Variants in ATP13A3 observed in about 807,000 individuals in gnomAD.
ATP13A3 encodes ATPase 13A3.
A neutral mutation model predicts 158.1 loss-of-function variants in ATP13A3; 59 were observed. The observed-to-expected ratio is 0.37, with a 90% confidence interval of 0.30 to 0.46. The LOEUF is 0.46. Ranked by LOEUF, ATP13A3 falls within the 20% of genes least tolerant of loss-of-function variation. ATP13A3 has a pLI of 1.00. For missense variants in ATP13A3, 1,166 were observed against 1,525.2 expected (o/e 0.76, Z 3.92); for synonymous variants, 491 against 504.3 (o/e 0.97, Z 0.35).
At chr3:194,481,559 T>A (rs1481887855) in intron 2 of ATP13A3, among the ~76,000 whole-genome samples, 1 of 152,142 alleles carries the variant, frequency 6.6e-6, no homozygotes, top group African/African-American at 2.4e-5. Context: ...ATCTAAATAA[T>A]CCATGATCTC....
At position 194,404,847 on chromosome 3, in the gene ATP13A3, A is replaced by G. The variant is rs1300487409; in HGVS notation, c.*1072T>C. The G allele has an allele frequency of 1.3e-5, 2 of 152,182 alleles. No homozygotes were observed. 9.4% of individuals were successfully genotyped at this position (152,182 alleles called of 1,614,324 possible). A position where few individuals can be genotyped will look rare whatever the true frequency, so the allele number is the denominator to read the frequency against. On this transcript the variant is annotated 3_prime_UTR_variant, in exon 34 of 34. Coordinates refer to ENST00000645319, the MANE Select transcript of ATP13A3 (RefSeq NM_001367549.1). The stretch of plus-strand genomic sequence containing the variant: ...GACCTCTGGCGCCACCTAATGGCAT[A>G]AAACAAACTCATCAAATTCATATTG...
At chr3:194,411,071 A>AG in intron 33 of ATP13A3, among the ~76,000 whole-genome samples, 1 of 151,522 alleles carries the variant, frequency 6.6e-6, no homozygotes, top group African/African-American at 2.4e-5. Flanking sequence ...TTCAGGAAAA[A>AG]AAAAAACTGA....
chr3:194,446,971 T>C lies in ATP13A3; in HGVS notation c.1453A>G (p.Arg485Gly). Residue 485 changes from arginine (R) to glycine (G), a missense_variant, in exon 14 of 34, where the codon AGA becomes GGA. Arg to Gly is a moderately radical substitution (Grantham distance 125). This residue lies in a region of ATP13A3 where 997 missense variants were observed against 1,341.2 expected (regional missense o/e 0.74). Transcript: ENST00000645319. Reference sequence around the variant, plus strand: ...TTGAGCTGTCCACAAATATTTATTCTTTGAGGACTGATACAGAAAATACCG... The same window carrying C: ...TTGAGCTGTCCACAAATATTTATTCCTTGAGGACTGATACAGAAAATACCG... The part of the protein sequence containing the change: ...KIGIFCISPQ[R>G]INICGQLNLV... The C allele has an allele frequency of 6.2e-7, 1 of 1,613,590 alleles. No individual in the cohort carries two copies. Among genetic ancestry groups the C allele is most frequent in the Non-Finnish European group, 8.5e-7 (1 of 1,179,922 alleles).
At chr3:194,412,103 CACATA>C in intron 33 of ATP13A3, 91 bp downstream of exon 33, 2 of 990,846 alleles carry the variant, frequency 2.0e-6, no homozygotes, top group South Asian at 1.4e-5. Flanking sequence ...TAGAGAATAA[CACATA>C]ACAGAACAAG....
chr3:194,418,114 A>G (rs1577030959), intron 31 of ATP13A3, among the ~76,000 whole-genome samples: 2 of 152,330 alleles, frequency 1.3e-5, no homozygotes, highest in South Asian at 2.1e-4. Context: ...ACAAACTTCA[A>G]TAAGCAATTG....
In ATP13A3 at chr3:194,448,546, T is replaced by C; in HGVS notation, c.1061A>G (p.His354Arg). The C allele has an allele frequency of 1.2e-6, 2 of 1,614,132 alleles. No homozygotes were observed. The highest frequency in any genetic ancestry group is 1.7e-6 in the Non-Finnish European group (2 of 1,179,978). The change falls in exon 12 of 34, where the codon CAT becomes CGT. Residue 354 changes from histidine (H) to arginine (R), a missense_variant. By Grantham distance (29) the His-to-Arg change is conservative (BLOSUM62 0). Around this residue, in one of 3 missense-constraint regions of ATP13A3, gnomAD observed 997 missense variants for 1,341.2 expected, o/e 0.74. Transcript: ENST00000645319. This position sits in a 1 kb window ranked among gnomAD's most constrained non-coding sequence, Gnocchi z 4.0. Reference sequence around the variant, plus strand: ...CCCACAAAACAAAGTATGTCGTTTATGTGTTTCTGGATTATATAATTCATC... The same window carrying C: ...CCCACAAAACAAAGTATGTCGTTTACGTGTTTCTGGATTATATAATTCATC... ...IGDELYNPETHKRHTLFCGTT... is the reference protein window; with the variant it reads ...IGDELYNPETRKRHTLFCGTT...
intron 15 of ATP13A3, among the ~76,000 whole-genome samples, chr3:194,444,080 T>C (rs1718230302): frequency 6.6e-6 from 1 of 152,236 alleles, no homozygotes; most frequent in Non-Finnish European, 1.5e-5. Flanking sequence ...TTGGCAAGAA[T>C]GTGGAGTAAA....
At chr3:194,444,644 T>G in intron 15 of ATP13A3, 81 bp downstream of exon 15, 1 of 1,241,852 alleles carries the variant, frequency 8.1e-7, no homozygotes, top group Non-Finnish European at 1.1e-6. Context: ...AGTTGTCTAT[T>G]ACTTCCTTTA....
chr3:194,428,979 G>T, intron 27 of ATP13A3, 62 bp from the exon 28 acceptor site: 1 of 1,130,404 alleles, frequency 8.8e-7, no homozygotes, highest in Non-Finnish European at 1.3e-6. Context: ...GCGTCCCCAG[G>T]TTTTATTAAT....
At chr3:194,483,805 C>T (rs1720854503) in intron 2 of ATP13A3, among the ~76,000 whole-genome samples, 1 of 152,144 alleles carries the variant, frequency 6.6e-6, no homozygotes, top group East Asian at 1.9e-4. Context: ...GGCACACTGC[C>T]TATCGAGCAG....
intron 14 of ATP13A3, among the ~76,000 whole-genome samples, chr3:194,446,402 AGT>A (rs1214672784): frequency 6.6e-6 from 1 of 152,134 alleles, no homozygotes; most frequent in Non-Finnish European, 1.5e-5. Context: ...AGTCTGCGCG[AGT>A]GTGAGTACAC....
intron 33 of ATP13A3, among the ~76,000 whole-genome samples, chr3:194,411,099 CATT>C (rs1213022710): frequency 6.6e-6 from 1 of 151,798 alleles, no homozygotes; most frequent in East Asian, 1.9e-4. Context: ...TGCATTCCAT[CATT>C]ATTCACCATA....
intron 20 of ATP13A3, among the ~76,000 whole-genome samples, chr3:194,434,618 G>A (rs1717485250): frequency 6.6e-6 from 1 of 152,128 alleles, no homozygotes; most frequent in South Asian, 2.1e-4. Context: ...TGATAGTTAC[G>A]TTCTTAAGAA....
Position 194,425,473 on chromosome 3 carries a change from G to C in ATP13A3, c.3182C>G (p.Thr1061Ser). The C allele has an allele frequency of 6.2e-7, 1 of 1,613,692 alleles. No homozygotes were observed. The highest frequency in any genetic ancestry group is 8.5e-7 in the Non-Finnish European group (1 of 1,179,754). Residue 1061 changes from threonine (T) to serine (S), a missense_variant, in exon 30 of 34, where the codon ACC becomes AGC. Thr to Ser is a moderately conservative substitution (Grantham distance 58, BLOSUM62 1). Around this residue, in one of 3 missense-constraint regions of ATP13A3, gnomAD observed 997 missense variants for 1,341.2 expected, o/e 0.74. Coordinates refer to ENST00000645319, the MANE Select transcript of ATP13A3 (RefSeq NM_001367549.1). ...TTGTATATTATGTTCATCAAGTTCG[G>C]TTTCATTGTCTACGTGTGAAGAATT... is the stretch of plus-strand genomic sequence containing the variant. ...FWNSSHVDNE[T>S]ELDEHNIQNY... is the part of the protein sequence containing the mutation.
Position 194,453,697 on chromosome 3 carries a change from A to G in ATP13A3, c.838+9T>C. On this transcript the variant is annotated intron_variant, in intron 10 of 33. Transcript: ENST00000645319. ...TTTTGATTTATTCTTCCAACATTCA[A>G]TTACTTACCTTCATTTACTCTACAA... 6.2e-7 allele frequency: 1 copy of G among 1,605,994 alleles called. No individual in the cohort carries two copies. The highest frequency in any genetic ancestry group is 1.7e-5 in the Admixed American group (1 of 59,830).
rs1320798805 is a variant in ATP13A3, at chr3:194,427,025, A to G, written c.3125+50T>C. On this transcript the variant is annotated intron_variant, in intron 29 of 33. Coordinates refer to ENST00000645319, the MANE Select transcript of ATP13A3 (RefSeq NM_001367549.1). ...ACTTCTAAACTCATTTTTATATCAT[A>G]TATGTTGCACATATTTTATATAGAT... 5 of 1,549,794 alleles carry G rather than the reference A, an allele frequency of 3.2e-6. No individual in the cohort carries two copies. In the Admixed American group the frequency reaches 5.9e-5, roughly 18 times the overall value.
chr3:194,441,289 T>A lies in ATP13A3; in HGVS notation c.1710+22A>T, dbSNP rs530768076. 4.5e-6 allele frequency: 7 copies of A among 1,569,330 alleles called. No homozygotes were observed. The African/African-American group carries it at 9.6e-5, about 21-fold the overall frequency. ...ACTATTATTTTCCTAAAGTTATTTGTATTTTAAAATATTTGACTTACCCAT... is the reference window on the plus strand; with the variant it reads ...ACTATTATTTTCCTAAAGTTATTTGAATTTTAAAATATTTGACTTACCCAT... On this transcript the variant is annotated intron_variant, in intron 16 of 33. Transcript: ENST00000645319.
chr3:194,447,755 T>G, intron 13 of ATP13A3, 97 bp downstream of exon 13: 1 of 1,074,710 alleles, frequency 9.3e-7, no homozygotes, highest in Non-Finnish European at 1.4e-6. Context: ...CTTAAAATTT[T>G]AGTTCCTCAT....
At chr3:194,419,326 T>C (rs1004620823) in intron 31 of ATP13A3, among the ~76,000 whole-genome samples, 2 of 152,204 alleles carry the variant, frequency 1.3e-5, no homozygotes, top group East Asian at 1.9e-4. Context: ...GCCTTATTGA[T>C]TGGTAACGTT....
Sources: allele counts gnomAD v4.1 joint callset (sites outside exome capture counted in the v4.1 genomes callset), GRCh38; gene constraint gnomAD v4.1.1; regional missense constraint gnomAD v4.1.1; non-coding constraint Gnocchi (gnomAD v3.1); transcripts MANE v1.5; gene names NCBI Gene and HGNC (gene_info 2026-07-23, HGNC 2026-07-21).